Variants in CRPPA observed in about 807,000 individuals in gnomAD.
The protein encoded by CRPPA is D-ribitol-5-phosphate cytidylyltransferase.
In CRPPA, 43 loss-of-function variants were observed where a neutral mutation model predicts 52.0. The ratio of observed to expected loss-of-function variants is 0.83; its 90% CI spans 0.65 to 1.07. The LOEUF (loss-of-function observed/expected upper bound fraction) is 1.07. Ranked by LOEUF, CRPPA falls within the 50% of genes least tolerant of loss-of-function variation. The pLI is 0.00. For synonymous variants in CRPPA, 250 were observed against 203.5 expected (o/e 1.23, Z -1.94); for missense variants, 629 against 551.7 (o/e 1.14, Z -1.40).
chr7:16,240,228 G>T lies in CRPPA; in HGVS notation c.1119+18162C>A, dbSNP rs528514469. On this transcript the variant is annotated intron_variant, in intron 8 of 9. Transcript: ENST00000407010. ...CCATTCATGACTGCAACTAGATAAA[G>T]GTTCCAAAGGTATTTTTAACCAGTA... Among the ~76,000 whole-genome samples, 6 of 149,968 alleles carry T rather than the reference G, an allele frequency of 4.0e-5. No homozygotes were observed. The South Asian group carries it at 6.4e-4, about 16-fold the overall frequency.
intron 8 of CRPPA, among the ~76,000 whole-genome samples, chr7:16,254,780 AGAAAGAAAGAAG>A (rs1295497204): frequency 3.0e-4 from 39 of 127,976 alleles, no homozygotes; most frequent in Middle Eastern, 3.8e-3. Flanking sequence ...ACAGAAAGAA[AGAAAGAAAGAAG>A]GAAAGAAAGA....
chr7:16,242,252 C>T (rs1342637545), intron 8 of CRPPA, among the ~76,000 whole-genome samples: 3 of 151,840 alleles, frequency 2.0e-5, no homozygotes, highest in Non-Finnish European at 4.4e-5. Context: ...CCGCGCCCAG[C>T]CAAATCTAAT....
chr7:16,382,836 G>A (rs1787147178), intron 2 of CRPPA, among the ~76,000 whole-genome samples: 1 of 152,074 alleles, frequency 6.6e-6, no homozygotes, highest in African/African-American at 2.4e-5. Flanking sequence ...TTGGCTTTCA[G>A]CTCCATCAGC....
chr7:16,147,888 A>G (rs974574245), intron 9 of CRPPA, among the ~76,000 whole-genome samples: 1 of 152,156 alleles, frequency 6.6e-6, no homozygotes, highest in African/African-American at 2.4e-5. Flanking sequence ...CATCCTGTTT[A>G]TTAATACAAT....
intron 9 of CRPPA, among the ~76,000 whole-genome samples, chr7:16,109,583 C>G (rs1215129395): frequency 6.6e-6 from 1 of 151,938 alleles, no homozygotes; most frequent in East Asian, 1.9e-4. Context: ...CCAAAGTCCT[C>G]AACAAAATAC....
intron 3 of CRPPA, among the ~76,000 whole-genome samples, chr7:16,363,577 A>T (rs970022797): frequency 6.6e-6 from 1 of 152,176 alleles, no homozygotes; most frequent in Non-Finnish European, 1.5e-5. Context: ...CTTTTTAGAG[A>T]AGTGAAAATT....
At chr7:16,398,030 G>C (rs1207912653) in intron 2 of CRPPA, among the ~76,000 whole-genome samples, 2 of 152,200 alleles carry the variant, frequency 1.3e-5, no homozygotes, top group Non-Finnish European at 2.9e-5. Context: ...TGATCAACAC[G>C]TAATCAACAT....
At chr7:16,420,916 A>G (rs1788316280) in intron 1 of CRPPA, 150 bp downstream of exon 1, 9 of 661,568 alleles carry the variant, frequency 1.4e-5, no homozygotes, top group Non-Finnish European at 2.0e-5. Flanking sequence ...CCCATCTCTG[A>G]AATGCGGGAG....
At chr7:16,143,395 G>A (rs1782911157) in intron 9 of CRPPA, among the ~76,000 whole-genome samples, 1 of 152,196 alleles carries the variant, frequency 6.6e-6, no homozygotes, top group South Asian at 2.1e-4. Context: ...GGCAAAGAAA[G>A]GGAGGCAGTG....
At chr7:16,179,489 G>T (rs189610445) in intron 9 of CRPPA, among the ~76,000 whole-genome samples, 71 of 152,208 alleles carry the variant, frequency 4.7e-4, no homozygotes, top group African/African-American at 1.6e-3. Flanking sequence ...AAGGGAGGTA[G>T]ATGGGTAAGA....
At chr7:16,110,294 G>T (rs895344526) in intron 9 of CRPPA, among the ~76,000 whole-genome samples, 4 of 151,918 alleles carry the variant, frequency 2.6e-5, no homozygotes, top group African/African-American at 4.8e-5. Flanking sequence ...TATATAGAAA[G>T]ATATCTCATG....
At chr7:16,297,947 G>T (rs1784708632) in intron 5 of CRPPA, among the ~76,000 whole-genome samples, 1 of 152,132 alleles carries the variant, frequency 6.6e-6, no homozygotes, top group Non-Finnish European at 1.5e-5. Flanking sequence ...TATCCTGCTG[G>T]TTCTGTTTCT....
At position 16,165,268 on chromosome 7, in the gene CRPPA, T is replaced by A. The variant is rs547456524; in HGVS notation, c.1251+50798A>T. 2.0e-5 allele frequency among the ~76,000 whole-genome samples: 3 copies of A among 151,612 alleles called. No homozygotes were observed. In the South Asian group the frequency reaches 6.2e-4, roughly 32 times the overall value. On this transcript the variant is annotated intron_variant, in intron 9 of 9. Coordinates refer to ENST00000407010, the MANE Select transcript of CRPPA (RefSeq NM_001101426.4). ...TTGGACATTTTAAATTAATATCACC[T>A]GTAAATATTTATGATTACATATGAT...
At chr7:16,293,889 T>G (rs1784615436) in intron 5 of CRPPA, among the ~76,000 whole-genome samples, 1 of 151,948 alleles carries the variant, frequency 6.6e-6, no homozygotes. Flanking sequence ...CCGGCACATG[T>G]TTTTACATGT....
In CRPPA at chr7:16,286,079, AT is replaced by A. The variant is rs1562608617; in HGVS notation, c.836-7854del. 2.6e-3 allele frequency among the ~76,000 whole-genome samples: 101 copies of A among 38,130 alleles called. 6 individuals carry two copies. Among genetic ancestry groups the A allele is most frequent in the Admixed American group, 5.3e-3 (16 of 3,040 alleles). 25.0% of individuals were successfully genotyped at this position (38,130 alleles called of 152,430 possible). ...TATATATATATATATATATATATATATAATATTTAAAAAAAAAAATATATAT... is the reference window on the plus strand; with the variant it reads ...TATATATATATATATATATATATATAAATATTTAAAAAAAAAAATATATAT... On this transcript the variant is annotated intron_variant, in intron 5 of 9. Coordinates refer to ENST00000407010, the MANE Select transcript of CRPPA (RefSeq NM_001101426.4).
intron 9 of CRPPA, among the ~76,000 whole-genome samples, chr7:16,153,274 A>G (rs1562528510): frequency 6.6e-6 from 1 of 152,082 alleles, no homozygotes; most frequent in South Asian, 2.1e-4. Flanking sequence ...TCAACACAAC[A>G]TAAATCAAGG....
In CRPPA at chr7:16,406,437, A is replaced by G. The variant is rs547144743; in HGVS notation, c.258-100T>C. On this transcript the variant is annotated intron_variant, in intron 1 of 9. Transcript: ENST00000407010. ...CTAGTATTGGTATATTTAAATAGGG[A>G]GATTAAAAACTGCAAGTTAATAAAA... 16 of 1,052,644 alleles carry G rather than the reference A, an allele frequency of 1.5e-5. No homozygotes were observed. The South Asian group carries it at 2.5e-4, about 16-fold the overall frequency. 65.2% of individuals were successfully genotyped at this position (1,052,644 alleles called of 1,614,324 possible).
At chr7:16,220,457 G>A (rs1782467758) in intron 8 of CRPPA, among the ~76,000 whole-genome samples, 1 of 49,898 alleles carries the variant, frequency 2.0e-5, no homozygotes, top group African/African-American at 8.5e-5. Context: ...AATTAGGCAG[G>A]AGAAGGAAAT....
intron 9 of CRPPA, among the ~76,000 whole-genome samples, chr7:16,195,335 T>C (rs554678012): frequency 2.0e-5 from 3 of 152,140 alleles, no homozygotes; most frequent in African/African-American, 4.8e-5. Flanking sequence ...AAAGGGTTGA[T>C]ATTTAAGTTG....
Sources: allele counts gnomAD v4.1 joint callset (sites outside exome capture counted in the v4.1 genomes callset), GRCh38; gene constraint gnomAD v4.1.1; transcripts MANE v1.5; gene names NCBI Gene and HGNC (gene_info 2026-07-23, HGNC 2026-07-21).